ANKRD17: variants seen among roughly 807,000 people sequenced by gnomAD.
ANKRD17 encodes the protein ankyrin repeat domain 17, also known as ankyrin repeat domain-containing protein 17.
In ANKRD17, 19 loss-of-function variants were observed where a neutral mutation model predicts 229.7. The ratio of observed to expected loss-of-function variants is 0.08; its 90% confidence interval spans 0.06 to 0.12. ANKRD17 has a LOEUF of 0.12. Among genes scored for constraint, ANKRD17 ranks in the 10% least tolerant of loss-of-function variants. The probability of loss-of-function intolerance (pLI) is 1.00; values close to 1 mark genes in which losing one functional copy is unlikely to be tolerated. For synonymous variants in ANKRD17, 1,112 were observed against 1,146.1 expected, an observed-to-expected ratio of 0.97 and a Z score of 0.60; for missense variants, 2,176 against 3,176.8, an observed-to-expected ratio of 0.68 and a Z score of 7.57.
intron 1 of ANKRD17, among the ~76,000 whole-genome samples, chr4:73,235,394 A>G (rs868630155): frequency 2.0e-5 from 3 of 152,224 alleles, no homozygotes; most frequent in Admixed American, 2.0e-4. Context: ...AGATCCATCT[A>G]TGCACCTAAG....
intron 24 of ANKRD17, among the ~76,000 whole-genome samples, chr4:73,104,724 G>A (rs553875307): frequency 1.3e-5 from 2 of 152,052 alleles, no homozygotes; most frequent in Non-Finnish European, 2.9e-5. Flanking sequence ...GGTAGCAGGA[G>A]CTAATTATGA....
chr4:73,224,796 A>C (rs1209881799), intron 1 of ANKRD17, among the ~76,000 whole-genome samples: 2 of 152,204 alleles, frequency 1.3e-5, no homozygotes, highest in East Asian at 3.9e-4. Flanking sequence ...AAGCTAATTA[A>C]GTTGAAGAGT....
intron 18 of ANKRD17, among the ~76,000 whole-genome samples, chr4:73,123,964 A>C (rs1013391266): frequency 6.6e-6 from 1 of 152,052 alleles, no homozygotes; most frequent in Non-Finnish European, 1.5e-5. Flanking sequence ...TTCTTAGGCT[A>C]ACAACCGAAA....
intron 1 of ANKRD17, among the ~76,000 whole-genome samples, chr4:73,238,105 C>A (rs1243883232): frequency 3.9e-4 from 57 of 145,340 alleles, no homozygotes; most frequent in African/African-American, 9.1e-4. Context: ...AAAAAAAAAA[C>A]CAACCATCTC....
At chr4:73,098,728 A>G in intron 25 of ANKRD17, 1 of 937,502 alleles carries the variant, frequency 1.1e-6, no homozygotes, top group Non-Finnish European at 1.7e-6. Flanking sequence ...AGGTAGTTAT[A>G]AAAAATATTT....
intron 16 of ANKRD17, among the ~76,000 whole-genome samples, chr4:73,133,050 C>T (rs1001603726): frequency 6.6e-6 from 1 of 151,996 alleles, no homozygotes; most frequent in Non-Finnish European, 1.5e-5. Flanking sequence ...GAGTTTGAAA[C>T]CAGCCTGGCC....
intron 1 of ANKRD17, among the ~76,000 whole-genome samples, chr4:73,240,924 T>G (rs1376126925): frequency 6.7e-6 from 1 of 148,444 alleles, no homozygotes; most frequent in East Asian, 2.1e-4. Flanking sequence ...TTCTCCTGCC[T>G]CAGCCTCCCG....
rs77729312 is a variant in ANKRD17 at position 73,148,136 on chromosome 4, C to T, written c.1567+677G>A. On this transcript the variant is annotated intron_variant, in intron 8 of 33. Transcript: ENST00000358602. ...CCTAAGAAGTCTGCTCCAAAACCTA[C>T]GCTTTAAAAATCATAGTCAACATTA... 3.1e-3 allele frequency among the ~76,000 whole-genome samples: 474 copies of T among 152,280 alleles called. 2 individuals are homozygous for T. The highest frequency in any genetic ancestry group is 3.3e-3 in the Non-Finnish European group (226 of 68,014).
Position 73,258,571 on chromosome 4 carries a change from G to A in ANKRD17, c.98C>T (p.Ala33Val), listed in dbSNP as rs1348263346. Residue 33 changes from alanine (A) to valine (V), a missense_variant, in exon 1 of 34, where the codon GCG becomes GTG. By Grantham distance (64) the Ala-to-Val change is moderately conservative. Coordinates refer to ENST00000358602, the MANE Select transcript of ANKRD17 (RefSeq NM_032217.5). ...GCCGCCAACGCCGCCGCCGACCTCC[G>A]CCGCCGCGGGGGGGCCCGCCACAGC... is the stretch of plus-strand genomic sequence containing the variant. ...VAAVAGPPAA[A>V]EVGGGVGGSS... 27 of 1,458,418 alleles carry A rather than the reference G, an allele frequency of 1.9e-5. No individual in the cohort carries two copies. The highest frequency in any genetic ancestry group is 2.3e-5 in the Non-Finnish European group (26 of 1,116,952). The allele number at this position is 1,458,418 out of a possible 1,614,324, so 90.3% of individuals were successfully genotyped here.
chr4:73,199,120 C>T (rs2149098109), intron 1 of ANKRD17, among the ~76,000 whole-genome samples: 1 of 152,156 alleles, frequency 6.6e-6, no homozygotes, highest in East Asian at 1.9e-4. Flanking sequence ...CATCAGCAAT[C>T]ATGTTACTGT....
chr4:73,086,116 A>C (rs1722095574), intron 29 of ANKRD17, among the ~76,000 whole-genome samples: 1 of 152,198 alleles, frequency 6.6e-6, no homozygotes, highest in Non-Finnish European at 1.5e-5. Context: ...TTTCAGCACT[A>C]GTGGGCATTA....
chr4:73,141,886 T>C (rs561776153), intron 13 of ANKRD17, 43 bp from the exon 14 acceptor site: 1 of 1,443,562 alleles, frequency 6.9e-7, no homozygotes, highest in African/African-American at 1.4e-5. Flanking sequence ...TCCTACACAA[T>C]CCATTAAGTA....
chr4:73,219,496 G>A (rs1333871268), intron 1 of ANKRD17, among the ~76,000 whole-genome samples: 1 of 152,162 alleles, frequency 6.6e-6, no homozygotes, highest in Non-Finnish European at 1.5e-5. Context: ...AGGAAATGAT[G>A]CCTTCCTTGA....
chr4:73,084,174 G>GT (rs1187350015), intron 30 of ANKRD17, among the ~76,000 whole-genome samples: 12 of 152,226 alleles, frequency 7.9e-5, no homozygotes, highest in Non-Finnish European at 1.6e-4. Context: ...GAGATCAGGA[G>GT]TTTGAGACCA....
chr4:73,117,897 C>T (rs1004833412), intron 22 of ANKRD17, among the ~76,000 whole-genome samples: 5 of 152,118 alleles, frequency 3.3e-5, no homozygotes, highest in Admixed American at 6.5e-5. Context: ...TTTACTTTCA[C>T]GGAATTTGTA....
intron 16 of ANKRD17, among the ~76,000 whole-genome samples, chr4:73,132,802 A>G (rs1728392685): frequency 6.6e-6 from 1 of 152,194 alleles, no homozygotes; most frequent in Non-Finnish European, 1.5e-5. Flanking sequence ...GTAATTTCAT[A>G]TTCAGTAAAA....
At chr4:73,101,391 C>T (rs1275139157) in intron 25 of ANKRD17, among the ~76,000 whole-genome samples, 2 of 152,116 alleles carry the variant, frequency 1.3e-5, no homozygotes. Flanking sequence ...GTGGCTGGCG[C>T]AGTGGCTCAT....
chr4:73,240,999 C>CG, intron 1 of ANKRD17, among the ~76,000 whole-genome samples: 1 of 151,624 alleles, frequency 6.6e-6, no homozygotes, highest in East Asian at 1.9e-4. Context: ...TTAATAGAGA[C>CG]GGGGTTTCAC....
intron 5 of ANKRD17, among the ~76,000 whole-genome samples, chr4:73,154,700 A>G (rs1199202154): frequency 1.3e-5 from 2 of 152,192 alleles, no homozygotes; most frequent in Non-Finnish European, 2.9e-5. Flanking sequence ...TCTGGGTAAA[A>G]TAAGAATTTC....
Sources: allele counts gnomAD v4.1 joint callset (sites outside exome capture counted in the v4.1 genomes callset), GRCh38; gene constraint gnomAD v4.1.1; transcripts MANE v1.5; gene names NCBI Gene and HGNC (gene_info 2026-07-23, HGNC 2026-07-21).